The following DNAH8 variants were observed in gnomAD, a reference collection of about 807,000 sequenced individuals.
DNAH8 encodes the protein dynein axonemal heavy chain 8, also known as axonemal beta dynein heavy chain 8.
A neutral mutation model predicts 562.1 loss-of-function variants in DNAH8; 382 were observed. That is an observed-to-expected ratio of 0.68 (90% CI 0.63 to 0.74). The LOEUF is 0.74. Ranked by LOEUF, DNAH8 falls within the 30% of genes least tolerant of loss-of-function variation. The pLI is 0.00. For missense variants in DNAH8, 5,203 were observed against 5,620.4 expected (o/e 0.93, Z 2.37); for synonymous variants, 1,881 against 1,919.4 (o/e 0.98, Z 0.52).
intron 10 of DNAH8, 46 bp downstream of exon 10, chr6:38,756,125 T>C (rs1445539172): frequency 8.2e-7 from 1 of 1,212,928 alleles, no homozygotes; most frequent in African/African-American, 1.5e-5. Context: ...GTGAAAAAGT[T>C]AGCAAATCTT....
chr6:38,812,568 G>T (rs1341430609), intron 24 of DNAH8, among the ~76,000 whole-genome samples: 1 of 152,106 alleles, frequency 6.6e-6, no homozygotes, highest in East Asian at 1.9e-4. Flanking sequence ...TCAGTTTTTA[G>T]AGGAGAGTTC....
intron 28 of DNAH8, among the ~76,000 whole-genome samples, chr6:38,824,394 C>G (rs1052159755): frequency 1.3e-5 from 2 of 152,100 alleles, no homozygotes; most frequent in Admixed American, 1.3e-4. Context: ...TCTTTCTTGA[C>G]TAGTTGACAT....
At chr6:38,956,263 G>A (rs182360237) in intron 82 of DNAH8, among the ~76,000 whole-genome samples, 1 of 152,158 alleles carries the variant, frequency 6.6e-6, no homozygotes, top group African/African-American at 2.4e-5. Flanking sequence ...TGTCAGCTCT[G>A]GTCCCTCCTG....
intron 87 of DNAH8, 99 bp downstream of exon 87, chr6:38,984,406 A>G (rs1297329018): frequency 6.8e-6 from 5 of 735,566 alleles, no homozygotes; most frequent in Non-Finnish European, 1.2e-5. Flanking sequence ...CATACAGCAG[A>G]GCTGCTGCAA....
At chr6:38,738,430 T>C (rs1008428654) in intron 7 of DNAH8, among the ~76,000 whole-genome samples, 1 of 152,154 alleles carries the variant, frequency 6.6e-6, no homozygotes, top group Non-Finnish European at 1.5e-5. Context: ...AGCCTGCAGC[T>C]CTATGGTCAA....
intron 52 of DNAH8, among the ~76,000 whole-genome samples, chr6:38,874,110 TTCCTTCCTCC>T: frequency 3.2e-5 from 2 of 61,616 alleles, no homozygotes; most frequent in African/African-American, 1.1e-4. Flanking sequence ...TTCTCCTTCC[TTCCTTCCTCC>T]TTCTCTCTTT....
chr6:38,925,942 C>G, intron 73 of DNAH8, 113 bp from the exon 74 acceptor site: 2 of 1,061,148 alleles, frequency 1.9e-6, no homozygotes, highest in Non-Finnish European at 2.6e-6. Flanking sequence ...TGCATAGTCT[C>G]AAAGGAAAAT....
intron 24 of DNAH8, among the ~76,000 whole-genome samples, chr6:38,813,075 C>T (rs988540407): frequency 6.6e-6 from 1 of 152,108 alleles, no homozygotes; most frequent in African/African-American, 2.4e-5. Flanking sequence ...TTGGAGAATA[C>T]CTTCAGCTGA....
At chr6:38,839,471 A>T (rs1738197) in intron 33 of DNAH8, among the ~76,000 whole-genome samples, 1 of 151,358 alleles carries the variant, frequency 6.6e-6, no homozygotes, top group African/African-American at 2.4e-5. Context: ...CTCCTGCCTC[A>T]GCCTCCCAGG....
rs567584262 is a variant in DNAH8, at chr6:38,737,809, G to A, written c.953G>A (p.Gly318Asp). The stretch of plus-strand genomic sequence containing the variant: ...TAAATGTCTTTTTTTTCCTTTTTAG[G>A]TGCTAGAATAAGTATTGAGGGAACA... ...TINRYLSFLDGARISIEGTVK... is the reference protein window; with the variant it reads ...TINRYLSFLDDARISIEGTVK... Residue 318 changes from glycine to aspartate, a missense_variant and splice_region_variant, in exon 7 of 93, where the codon GGT becomes GAT. Around this residue, in one of 6 missense-constraint regions of DNAH8, gnomAD observed 556 missense variants for 496.9 expected, o/e 1.12. Transcript: ENST00000327475. 4 of 1,462,708 alleles carry A rather than the reference G, an allele frequency of 2.7e-6. No homozygotes were observed. The highest frequency in any genetic ancestry group is 2.7e-6 in the Non-Finnish European group (3 of 1,107,362). The allele number at this position is 1,462,708 out of a possible 1,614,324, so 90.6% of individuals were successfully genotyped here.
In DNAH8 at chr6:38,842,591, A is replaced by ACATAAAACCTTCCTCAAATAAAT. The variant is rs1562964266; in HGVS notation, c.4605-72_4605-71insCATAAAACCTTCCTCAAATAAAT. 1.9e-6 allele frequency: 3 copies of ACATAAAACCTTCCTCAAATAAAT among 1,581,356 alleles called. No individual in the cohort carries two copies. The Admixed American group carries it at 5.4e-5, about 28-fold the overall frequency. ...AAGCTAATTTATTCCCTAATATAAT[A>ACATAAAACCTTCCTCAAATAAAT]GTGTATATACATAAAACCTTCCTCA... On this transcript the variant is annotated intron_variant, in intron 34 of 92. Transcript: ENST00000327475.
At chr6:38,744,414 G>A (rs1451429168) in intron 8 of DNAH8, 1 of 151,834 alleles carries the variant, frequency 6.6e-6, no homozygotes, top group Non-Finnish European at 1.5e-5. Flanking sequence ...AATTTTTGGG[G>A]GGCCAACCTG....
intron 82 of DNAH8, among the ~76,000 whole-genome samples, chr6:38,953,577 A>G (rs559154897): frequency 1.6e-4 from 24 of 152,286 alleles, no homozygotes; most frequent in African/African-American, 5.8e-4. Context: ...CTGGAACAAC[A>G]TAGATTTGGC....
At chr6:39,015,995 A>T (rs978852360) in intron 91 of DNAH8, among the ~76,000 whole-genome samples, 35 of 152,202 alleles carry the variant, frequency 2.3e-4, no homozygotes, top group African/African-American at 8.4e-4. Context: ...TCTTGACATG[A>T]GGGACAAATT....
intron 82 of DNAH8, among the ~76,000 whole-genome samples, chr6:38,953,741 T>A (rs1313769717): frequency 6.6e-6 from 1 of 152,214 alleles, no homozygotes; most frequent in African/African-American, 2.4e-5. Flanking sequence ...AACAACATGT[T>A]AATGTAGTCT....
intron 71 of DNAH8, among the ~76,000 whole-genome samples, chr6:38,922,219 T>C (rs969878401): frequency 6.6e-6 from 1 of 151,378 alleles, no homozygotes; most frequent in Admixed American, 6.6e-5. Context: ...ATATAACCTC[T>C]TGGGATAGGT....
At position 38,918,042 on chromosome 6, in the gene DNAH8, A is replaced by AGT; in HGVS notation, c.10428_10429dup (p.Ala3477ValfsTer32). The AGT allele has an allele frequency of 6.2e-7, 1 of 1,613,920 alleles. No homozygotes were observed. Among genetic ancestry groups the AGT allele is most frequent in the African/African-American group, 1.3e-5 (1 of 75,052 alleles). The stretch of plus-strand genomic sequence containing the variant: ...TAATATGGATGATTATACTTTTGAA[A>AGT]GTGCCAAAAAAGTCTGTGGGAATGT... On this transcript the variant is annotated frameshift_variant, in exon 70 of 93. Coordinates refer to ENST00000327475, the MANE Select transcript of DNAH8 (RefSeq NM_001206927.2). LOFTEE classifies it high-confidence loss of function.
At position 38,805,501 on chromosome 6, in the gene DNAH8, T is replaced by C. The variant is rs1297672881; in HGVS notation, c.3055T>C (p.Phe1019Leu). The C allele has an allele frequency of 2.5e-6, 4 of 1,608,856 alleles. No homozygotes were observed. Among genetic ancestry groups the C allele is most frequent in the Non-Finnish European group, 3.4e-6 (4 of 1,175,718 alleles). ...KQSEQRKHVV[F>L]GSETGEGENN... Reference sequence around the variant, plus strand: ...TATAGAACAGCGGAAACACGTTGTTTTTGGAAGTGAAACAGGAGAGGGTGA... The same window carrying C: ...TATAGAACAGCGGAAACACGTTGTTCTTGGAAGTGAAACAGGAGAGGGTGA... Residue 1019 changes from phenylalanine to leucine, a missense_variant, in exon 23 of 93, where the codon TTT becomes CTT. Phe to Leu is a conservative substitution (Grantham distance 22). Transcript: ENST00000327475.
At position 38,890,702 on chromosome 6, in the gene DNAH8, A is replaced by G. The variant is rs377381072; in HGVS notation, c.8524A>G (p.Ile2842Val). 5.5e-4 allele frequency: 890 copies of G among 1,613,976 alleles called. 8 individuals carry two copies. In the South Asian group the frequency reaches 8.3e-3, roughly 15 times the overall value. ...FDPCRSFKPQ[I>V]CEMIVNLVSV... ...TCCTTGTAGAAGTTTCAAGCCTCAA[A>G]TATGTGAGATGATTGTGAATTTAGT... is the stretch of plus-strand genomic sequence containing the variant. Residue 2842 changes from isoleucine to valine, a missense_variant, in exon 58 of 93, where the codon ATA (isoleucine) becomes GTA (valine). Physicochemically the swap from Ile to Val is conservative, Grantham distance 29. Around this residue, in one of 6 missense-constraint regions of DNAH8, gnomAD observed 977 missense variants for 1,061.8 expected, o/e 0.92. Coordinates refer to ENST00000327475, the MANE Select transcript of DNAH8 (RefSeq NM_001206927.2).
Sources: gnomAD v4.1 joint callset for allele counts (sites outside exome capture counted in the v4.1 genomes callset) on GRCh38, gnomAD v4.1.1 for gene constraint, gnomAD v4.1.1 regional missense constraint, MANE v1.5 for transcripts, NCBI Gene and HGNC (gene_info 2026-07-23, HGNC 2026-07-21) for gene names.